Variants in KCNK9 observed in about 807,000 individuals in gnomAD.
The protein encoded by KCNK9 is potassium two pore domain channel subfamily K member 9.
A neutral mutation model predicts 10.8 loss-of-function variants in KCNK9; 1 was observed. The ratio of observed to expected loss-of-function variants is 0.09; its 90% CI spans 0.03 to 0.44. KCNK9 has a LOEUF of 0.44. KCNK9 is among the 20% of genes least tolerant of loss of function. The pLI, the probability that KCNK9 is intolerant of heterozygous loss-of-function variation, is 0.97. For synonymous variants in KCNK9, 231 were observed against 222.7 expected, an observed-to-expected ratio of 1.04 and a Z score of -0.33; for missense variants, 303 against 515.0, an observed-to-expected ratio of 0.59 and a Z score of 3.98.
intron 1 of KCNK9, among the ~76,000 whole-genome samples, chr8:139,697,157 T>C (rs180767472): frequency 7.5e-4 from 111 of 148,672 alleles, no homozygotes; most frequent in African/African-American, 2.6e-3. Context: ...AATGAATGTA[T>C]GGGTAGATGG....
intron 1 of KCNK9, among the ~76,000 whole-genome samples, chr8:139,653,583 G>A (rs1426706497): frequency 6.6e-6 from 1 of 151,836 alleles, no homozygotes; most frequent in African/African-American, 2.4e-5. Flanking sequence ...GGGAATGTGA[G>A]CCCTGTAGGG....
chr8:139,689,959 C>T lies in KCNK9; in HGVS notation c.283+12751G>A, dbSNP rs1051451889. Among the ~76,000 whole-genome samples the T allele has an allele frequency of 3.9e-5, 6 of 152,100 alleles. No homozygotes were observed. The South Asian group carries it at 1.0e-3, about 26-fold the overall frequency. On this transcript the variant is annotated intron_variant, in intron 1 of 1. Coordinates refer to ENST00000520439, the MANE Select transcript of KCNK9 (RefSeq NM_001282534.2). ...CCCGGCCACCTTTGCCATCATTGAG[C>T]GAAAAACATGCAATGACTTGAAGCA... is the stretch of plus-strand genomic sequence containing the variant.
intron 1 of KCNK9, among the ~76,000 whole-genome samples, chr8:139,662,510 C>T (rs1816181937): frequency 6.6e-6 from 1 of 152,120 alleles, no homozygotes; most frequent in Admixed American, 6.5e-5. Flanking sequence ...AGTTCTGTGC[C>T]ACCACCAGCC....
downstream of KCNK9, chr8:139,612,675 C>G (rs1008127408): frequency 1.3e-5 from 2 of 152,206 alleles, no homozygotes. Context: ...GTTAGTTCCC[C>G]TAACAGAGGA....
chr8:139,687,357 T>C lies in KCNK9; in HGVS notation c.283+15353A>G, dbSNP rs537367035. ...ATTTTCATACATATATATATATGTA[T>C]ACATATATATGTGTATACATATATA... On this transcript the variant is annotated intron_variant, in intron 1 of 1. Transcript: ENST00000520439. Among the ~76,000 whole-genome samples the C allele has an allele frequency of 2.3e-3, 344 of 146,894 alleles. 4 individuals are homozygous for C. The highest frequency in any genetic ancestry group is 8.1e-3 in the African/African-American group (325 of 40,222).
downstream of KCNK9, among the ~76,000 whole-genome samples, chr8:139,613,152 C>A (rs1814483993): frequency 2.0e-5 from 3 of 152,194 alleles, no homozygotes; most frequent in South Asian, 6.2e-4. Context: ...TCTTCTTTGG[C>A]TGAACCACTG....
At chr8:139,626,794 C>T (rs76704861) in intron 1 of KCNK9, among the ~76,000 whole-genome samples, 9 of 152,278 alleles carry the variant, frequency 5.9e-5, no homozygotes, top group Non-Finnish European at 5.9e-5. Flanking sequence ...AAGTTTGTGC[C>T]GGTAAGAATT....
intron 1 of KCNK9, among the ~76,000 whole-genome samples, chr8:139,637,785 A>ACACACACACACAC (rs3032725): frequency 3.3e-5 from 5 of 149,668 alleles, no homozygotes; most frequent in Admixed American, 1.3e-4. Flanking sequence ...ACACACACAC[A>ACACACACACACAC]ATAATAGTAA....
downstream of KCNK9, among the ~76,000 whole-genome samples, chr8:139,609,811 T>A (rs533115908): frequency 6.6e-6 from 1 of 152,164 alleles, no homozygotes; most frequent in Admixed American, 6.5e-5. Flanking sequence ...TATTTTCCAA[T>A]GCAGCTGAAG....
intron 1 of KCNK9, among the ~76,000 whole-genome samples, chr8:139,640,471 C>A (rs1815470004): frequency 6.6e-6 from 1 of 152,214 alleles, no homozygotes; most frequent in Non-Finnish European, 1.5e-5. Context: ...CTGGGGTCCT[C>A]CCCTAGCCAC....
chr8:139,645,399 C>A lies in KCNK9; in HGVS notation c.284-26300G>T, dbSNP rs552859075. The stretch of plus-strand genomic sequence containing the variant: ...CCATGCCCACCTGCCCTCAGCATGG[C>A]CCAGGGAGGGGCCTTCAGGGTCCAG... On this transcript the variant is annotated intron_variant, in intron 1 of 1. Transcript: ENST00000520439. Among the ~76,000 whole-genome samples, 3 of 152,298 alleles carry A rather than the reference C, an allele frequency of 2.0e-5. No individual in the cohort carries two copies. The South Asian group carries it at 6.2e-4, about 32-fold the overall frequency.
chr8:139,662,574 G>A (rs1032428319), intron 1 of KCNK9, among the ~76,000 whole-genome samples: 1 of 152,100 alleles, frequency 6.6e-6, no homozygotes, highest in African/African-American at 2.4e-5. Context: ...GGCCCCTTCT[G>A]CTGGCCTGGA....
chr8:139,643,443 C>T (rs747968447), intron 1 of KCNK9, among the ~76,000 whole-genome samples: 18 of 152,346 alleles, frequency 1.2e-4, no homozygotes, highest in Non-Finnish European at 1.5e-4. Context: ...CCCCAGGGGT[C>T]CCAGGACTCA....
chr8:139,700,791 A>G (rs1817200904), intron 1 of KCNK9, among the ~76,000 whole-genome samples: 1 of 152,150 alleles, frequency 6.6e-6, no homozygotes, highest in Non-Finnish European at 1.5e-5. Flanking sequence ...AGAATCAACC[A>G]TGGAAACACA....
chr8:139,667,720 A>G (rs1816333922), intron 1 of KCNK9, among the ~76,000 whole-genome samples: 1 of 152,008 alleles, frequency 6.6e-6, no homozygotes, highest in Non-Finnish European at 1.5e-5. Flanking sequence ...TCCTCACAAC[A>G]TTCCTTATAA....
At chr8:139,671,565 C>G (rs1816427798) in intron 1 of KCNK9, among the ~76,000 whole-genome samples, 1 of 147,924 alleles carries the variant, frequency 6.8e-6, no homozygotes, top group Non-Finnish European at 1.5e-5. Context: ...GGCTAGAGTG[C>G]AGTAGCACAA....
intron 1 of KCNK9, among the ~76,000 whole-genome samples, chr8:139,687,990 A>C (rs968014834): frequency 6.6e-6 from 1 of 152,166 alleles, no homozygotes; most frequent in Non-Finnish European, 1.5e-5. Context: ...ATATATAGTC[A>C]TAATAATAAT....
intron 1 of KCNK9, among the ~76,000 whole-genome samples, chr8:139,633,135 T>C (rs920987293): frequency 1.3e-5 from 2 of 151,920 alleles, no homozygotes; most frequent in African/African-American, 4.8e-5. Flanking sequence ...ACACAGGCAC[T>C]CAAACACACA....
intron 1 of KCNK9, among the ~76,000 whole-genome samples, chr8:139,625,026 G>T (rs1463744137): frequency 6.6e-6 from 1 of 152,156 alleles, no homozygotes; most frequent in African/African-American, 2.4e-5. Flanking sequence ...GTGCATCAGA[G>T]CACAATGAGA....
Sources: allele counts gnomAD v4.1 joint callset (sites outside exome capture counted in the v4.1 genomes callset), GRCh38; gene constraint gnomAD v4.1.1; transcripts MANE v1.5; gene names NCBI Gene and HGNC (gene_info 2026-07-23, HGNC 2026-07-21).